The following CTRC variants were observed in gnomAD, a reference collection of about 807,000 sequenced individuals.
CTRC encodes the protein chymotrypsin C, also known as chymotrypsin-C.
A neutral mutation model predicts 35.7 loss-of-function variants in CTRC; 32 were observed. That is an observed-to-expected ratio of 0.90 (90% CI 0.68 to 1.20). The LOEUF (loss-of-function observed/expected upper bound fraction) is 1.20, where lower values mean the gene tolerates loss of function less well. CTRC is among the 50% of genes most tolerant of loss of function. CTRC has a pLI of 0.00. For synonymous variants in CTRC, 119 were observed against 149.5 expected, an observed-to-expected ratio of 0.80 and a Z score of 1.49; for missense variants, 324 against 361.5, an observed-to-expected ratio of 0.90 and a Z score of 0.84.
Position 15,440,311 on chromosome 1 carries a change from G to A in CTRC, c.52G>A (p.Gly18Arg), listed in dbSNP as rs200576965. The change falls in exon 2 of 8, where the codon GGG (glycine) becomes AGG (arginine). Residue 18 changes from glycine (G) to arginine (R), a missense_variant. Coordinates refer to ENST00000375949, the MANE Select transcript of CTRC (RefSeq NM_007272.3). ...TCCTGTCTCCCCAGCCTCCAGCTGT[G>A]GGGTGCCCAGCTTCCCGCCCAACCT... ...AALLACASSC[G>R]VPSFPPNLSA... 159 of 1,585,500 alleles carry A rather than the reference G, an allele frequency of 1.0e-4. No homozygotes were observed. Among genetic ancestry groups the A allele is most frequent in the Non-Finnish European group, 1.3e-4 (152 of 1,165,432 alleles).
rs1342278553 is a variant in CTRC at position 15,446,520 on chromosome 1, C to T, written c.793-55C>T. 6.3e-6 allele frequency: 10 copies of T among 1,599,412 alleles called. No homozygotes were observed. In the East Asian group the frequency reaches 2.0e-4, roughly 32 times the overall value. ...CCACCCTCCGGGCAGAGCCCTGTGC[C>T]ACCCTAGAAGGTGGCACAGCCCTGA... On this transcript the variant is annotated intron_variant, in intron 7 of 7. Coordinates refer to ENST00000375949, the MANE Select transcript of CTRC (RefSeq NM_007272.3).
intron 3 of CTRC, among the ~76,000 whole-genome samples, 161 bp downstream of exon 3, chr1:15,440,751 T>A (rs2103289642): frequency 6.6e-6 from 1 of 152,364 alleles, no homozygotes; most frequent in Admixed American, 6.5e-5. Flanking sequence ...GTATTCATTG[T>A]GCATCTATTA....
Position 15,446,935 on chromosome 1 carries a change from A to T in CTRC, c.*346A>T, listed in dbSNP as rs1331608693. 2 of 431,594 alleles carry T rather than the reference A, an allele frequency of 4.6e-6. No homozygotes were observed. The highest frequency in any genetic ancestry group is 2.0e-5 in the African/African-American group (1 of 49,598). 26.7% of individuals were successfully genotyped at this position (431,594 alleles called of 1,614,324 possible). A position where few individuals can be genotyped will look rare whatever the true frequency, so the allele number is the denominator to read the frequency against. On this transcript the variant is annotated 3_prime_UTR_variant, in exon 8 of 8. Coordinates refer to ENST00000375949, the MANE Select transcript of CTRC (RefSeq NM_007272.3). The stretch of plus-strand genomic sequence containing the variant: ...GACACCTTCCCCGCTCCATCTCACA[A>T]GCTGCGAACAGGTGAGACCCTGATG...
chr1:15,446,479 C>T (rs1263413130), intron 7 of CTRC, 96 bp from the exon 8 acceptor site: 9 of 1,244,460 alleles, frequency 7.2e-6, no homozygotes, highest in Non-Finnish European at 1.1e-5. Flanking sequence ...GGGCTGCTGG[C>T]CATGCCCCCA....
chr1:15,440,234 T>TTCCCCCTGGGTTC, intron 1 of CTRC, 66 bp from the exon 2 acceptor site: 1 of 309,300 alleles, frequency 3.2e-6, no homozygotes, highest in Non-Finnish European at 6.7e-6. Flanking sequence ...CTGCCCACCC[T>TTCCCCCTGGGTTC]CCCACCCCTT....
chr1:15,446,773 C>T lies in CTRC; in HGVS notation c.*184C>T. On this transcript the variant is annotated 3_prime_UTR_variant, in exon 8 of 8. Transcript: ENST00000375949. The stretch of plus-strand genomic sequence containing the variant: ...CCAGTTTCCCCCACCCTGCATTAGA[C>T]AGGTGGGGAAACAGAGGCCGGGAGA... 5.4e-6 allele frequency: 4 copies of T among 736,312 alleles called. No homozygotes were observed. The highest frequency in any genetic ancestry group is 4.4e-5 in the South Asian group (3 of 67,698). 45.6% of individuals were successfully genotyped at this position (736,312 alleles called of 1,614,324 possible).
intron 4 of CTRC, among the ~76,000 whole-genome samples, chr1:15,443,102 GCTATAGCCTCTGTTTCAATGGAC>G (rs1464571951): frequency 6.6e-6 from 1 of 152,206 alleles, no homozygotes; most frequent in African/African-American, 2.4e-5. Flanking sequence ...TTCTCAACTT[GCTATAGCCTCTGTTTCAATGGAC>G]CCACAGCCAG....
rs1164563928 is a variant in CTRC at position 15,443,338 on chromosome 1, A to G, written c.357-81A>G. The G allele has an allele frequency of 3.2e-6, 5 of 1,585,512 alleles. No individual in the cohort carries two copies. In the East Asian group the frequency reaches 1.1e-4, roughly 35 times the overall value. Reference sequence around the variant, plus strand: ...CTGAGCACCCTGGGCCTGACTCCCAACTCACAGCCCGAGCCCCTTAGCCTG... The same window carrying G: ...CTGAGCACCCTGGGCCTGACTCCCAGCTCACAGCCCGAGCCCCTTAGCCTG... On this transcript the variant is annotated intron_variant, in intron 4 of 7. Coordinates refer to ENST00000375949, the MANE Select transcript of CTRC (RefSeq NM_007272.3).
chr1:15,444,578 C>G (rs775143123), intron 5 of CTRC, 28 bp from the exon 6 acceptor site: 2 of 1,613,748 alleles, frequency 1.2e-6, no homozygotes, highest in South Asian at 1.1e-5. Context: ...CCGGCTGCCT[C>G]CCTGGTCACT....
At position 15,445,562 on chromosome 1, in the gene CTRC, G is replaced by A. The variant is rs10927786; in HGVS notation, c.640-35G>A. On this transcript the variant is annotated intron_variant, in intron 6 of 7. Coordinates refer to ENST00000375949, the MANE Select transcript of CTRC (RefSeq NM_007272.3). Reference sequence around the variant, plus strand: ...CTTCCCAAGACTTCCTCTGGGGGGGGGCCTGGTGGCTTATGCCCTCCCGGT... The same window carrying A: ...CTTCCCAAGACTTCCTCTGGGGGGGAGCCTGGTGGCTTATGCCCTCCCGGT... 1.0e-4 allele frequency: 160 copies of A among 1,606,902 alleles called. 2 individuals carry two copies. The highest frequency in any genetic ancestry group is 4.2e-4 in the South Asian group (38 of 90,994).
At position 15,448,255 on chromosome 1, in the gene CTRC, C is replaced by G. The variant is rs1009561906; in HGVS notation, c.*1666C>G. ...TGGCACAATCTCAGCTCACTGCAACCTCCACCTCCCAGGTTCAAGTGATTC... is the reference window on the plus strand; with the variant it reads ...TGGCACAATCTCAGCTCACTGCAACGTCCACCTCCCAGGTTCAAGTGATTC... On this transcript the variant is annotated 3_prime_UTR_variant, in exon 8 of 8. Coordinates refer to ENST00000375949, the MANE Select transcript of CTRC (RefSeq NM_007272.3). 1.3e-5 allele frequency: 2 copies of G among 151,246 alleles called. No homozygotes were observed. The highest frequency in any genetic ancestry group is 4.9e-5 in the African/African-American group (2 of 40,932). The allele number at this position is 151,246 out of a possible 1,614,324, so 9.4% of individuals were successfully genotyped here. A position where few individuals can be genotyped will look rare whatever the true frequency, so the allele number is the denominator to read the frequency against.
chr1:15,438,846 G>A (rs889767657), intron 1 of CTRC, among the ~76,000 whole-genome samples: 2 of 152,170 alleles, frequency 1.3e-5, no homozygotes, highest in East Asian at 1.9e-4. Flanking sequence ...TCTCTCCCTT[G>A]AGGATTCTCC....
intron 7 of CTRC, 52 bp from the exon 8 acceptor site, chr1:15,446,523 C>G (rs1708223999): frequency 1.3e-5 from 21 of 1,606,830 alleles, no homozygotes; most frequent in Non-Finnish European, 1.8e-5. Flanking sequence ...CCTGTGCCAC[C>G]CTAGAAGGTG....
intron 3 of CTRC, among the ~76,000 whole-genome samples, chr1:15,442,096 C>T (rs1374699664): frequency 3.3e-5 from 5 of 151,996 alleles, no homozygotes; most frequent in Non-Finnish European, 4.4e-5. Flanking sequence ...AGTAGGCCAG[C>T]GTACAAGTGA....
At chr1:15,442,342 C>G (rs1307439326) in intron 3 of CTRC, 105 bp from the exon 4 acceptor site, 18 of 1,410,544 alleles carry the variant, frequency 1.3e-5, no homozygotes, top group South Asian at 2.5e-5. Flanking sequence ...TGGGAACACT[C>G]TCTTCCCCCA....
chr1:15,440,629 G>A (rs755756826), intron 3 of CTRC, 39 bp downstream of exon 3: 32 of 1,584,514 alleles, frequency 2.0e-5, no homozygotes, highest in African/African-American at 2.7e-5. Flanking sequence ...GCCATCGTCC[G>A]GGGGCGGAAG....
chr1:15,439,163 C>T (rs1371419204), intron 1 of CTRC, among the ~76,000 whole-genome samples: 3 of 152,036 alleles, frequency 2.0e-5, no homozygotes, highest in South Asian at 2.1e-4. Flanking sequence ...TGGTGGCTCA[C>T]GCCTGTAATC....
chr1:15,445,521 C>A (rs1025639909), intron 6 of CTRC, 76 bp from the exon 7 acceptor site: 47 of 1,527,874 alleles, frequency 3.1e-5, no homozygotes, highest in Non-Finnish European at 4.2e-5. Context: ...ACATCCCCCA[C>A]CCCAACCCAG....
chr1:15,443,366 C>T lies in CTRC; in HGVS notation c.357-53C>T, dbSNP rs375683023. ...CACAGCCCGAGCCCCTTAGCCTGAG[C>T]TTGTGGGGCCAGGGCCCTCCTGCCC... On this transcript the variant is annotated intron_variant, in intron 4 of 7. Coordinates refer to ENST00000375949, the MANE Select transcript of CTRC (RefSeq NM_007272.3). The T allele has an allele frequency of 5.6e-6, 9 of 1,612,522 alleles. No homozygotes were observed. The African/African-American group carries it at 1.2e-4, about 22-fold the overall frequency.
Sources: allele counts gnomAD v4.1 joint callset (sites outside exome capture counted in the v4.1 genomes callset), GRCh38; gene constraint gnomAD v4.1.1; transcripts MANE v1.5; gene names NCBI Gene and HGNC (gene_info 2026-07-23, HGNC 2026-07-21).